The following MYO10 variants were observed in gnomAD, a reference collection of about 807,000 sequenced individuals.
The protein encoded by MYO10 is myosin X.
Under a neutral mutation model 257.3 loss-of-function variants are expected in MYO10, and 133 were observed. That is an observed-to-expected ratio of 0.52 (90% CI 0.45 to 0.60). The LOEUF is 0.60. MYO10 is among the 20% of genes least tolerant of loss of function. The pLI, the probability that MYO10 is intolerant of heterozygous loss-of-function variation, is 0.00. For synonymous variants in MYO10, 1,104 were observed against 1,028.6 expected (o/e 1.07, Z -1.40); for missense variants, 2,399 against 2,635.7 (o/e 0.91, Z 1.97).
At chr5:16,810,697 C>T (rs1008162885) in intron 3 of MYO10, among the ~76,000 whole-genome samples, 1 of 151,960 alleles carries the variant, frequency 6.6e-6, no homozygotes, top group Non-Finnish European at 1.5e-5. Flanking sequence ...TAGAGGCTGA[C>T]CTGGGAGGTC....
chr5:16,826,408 C>G (rs1743001270), intron 2 of MYO10, among the ~76,000 whole-genome samples: 1 of 152,198 alleles, frequency 6.6e-6, no homozygotes, highest in Non-Finnish European at 1.5e-5. Context: ...GTCACAGTGA[C>G]TGGCATACAA....
At chr5:16,896,735 C>A (rs1013026534) in intron 1 of MYO10, among the ~76,000 whole-genome samples, 1 of 152,174 alleles carries the variant, frequency 6.6e-6, no homozygotes, top group African/African-American at 2.4e-5. Flanking sequence ...GCAGCCCCCC[C>A]AGGATTCTGG....
intron 2 of MYO10, among the ~76,000 whole-genome samples, chr5:16,847,550 T>A (rs528112665): frequency 1.3e-5 from 2 of 152,072 alleles, no homozygotes; most frequent in African/African-American, 4.8e-5. Context: ...CTAGGCAACA[T>A]GGCAAAACCT....
chr5:16,765,090 C>A (rs575443731), intron 11 of MYO10, among the ~76,000 whole-genome samples: 1 of 152,146 alleles, frequency 6.6e-6, no homozygotes, highest in Non-Finnish European at 1.5e-5. Flanking sequence ...ATATGGTCAG[C>A]ATTTTCATTT....
chr5:16,838,505 C>T (rs991066179), intron 2 of MYO10, among the ~76,000 whole-genome samples: 4 of 152,138 alleles, frequency 2.6e-5, no homozygotes, highest in Admixed American at 1.3e-4. Context: ...GGAGCCAGCA[C>T]AGATTCGTTG....
In MYO10 at chr5:16,923,694, A is replaced by T. The variant is rs1746054372; in HGVS notation, c.21+12094T>A. ...CACACACACACACACACACACACAC[A>T]CTCCCTAACATCCTGGCCACCTAAC... On this transcript the variant is annotated intron_variant, in intron 1 of 40. Transcript: ENST00000513610. Among the ~76,000 whole-genome samples, 3 of 149,322 alleles carry T rather than the reference A, an allele frequency of 2.0e-5. No individual in the cohort carries two copies. The South Asian group carries it at 6.4e-4, about 32-fold the overall frequency.
chr5:16,757,194 G>C (rs925364697), intron 18 of MYO10, among the ~76,000 whole-genome samples: 15 of 151,028 alleles, frequency 9.9e-5, no homozygotes, highest in East Asian at 5.8e-4. Flanking sequence ...GGAGGCTGAG[G>C]GGGGAGAATC....
At chr5:16,823,468 A>ATTTTTTTTTTTTTTTTT (rs1173952251) in intron 2 of MYO10, among the ~76,000 whole-genome samples, 2 of 6,448 alleles carry the variant, frequency 3.1e-4, no homozygotes, top group African/African-American at 4.7e-4. Flanking sequence ...GGGAGTGGGG[A>ATTTTTTTTTTTTTTTTT]TTTTTTTTTT....
chr5:16,904,173 C>A (rs937991686), intron 1 of MYO10, among the ~76,000 whole-genome samples: 1 of 152,200 alleles, frequency 6.6e-6, no homozygotes, highest in South Asian at 2.1e-4. Flanking sequence ...ACAGAGCTTC[C>A]GGACAGCTGG....
intron 30 of MYO10, among the ~76,000 whole-genome samples, chr5:16,682,975 T>A (rs989515944): frequency 6.6e-6 from 1 of 152,008 alleles, no homozygotes; most frequent in African/African-American, 2.4e-5. Flanking sequence ...GAAACTCACA[T>A]ACCAGAATAA....
intron 27 of MYO10, among the ~76,000 whole-genome samples, 186 bp downstream of exon 27, chr5:16,694,185 A>G (rs1737628628): frequency 6.6e-6 from 1 of 152,212 alleles, no homozygotes; most frequent in South Asian, 2.1e-4. Context: ...GTAATCACAA[A>G]AAGCAAAGTA....
intron 3 of MYO10, among the ~76,000 whole-genome samples, chr5:16,808,687 T>G (rs1742345315): frequency 6.6e-6 from 1 of 152,136 alleles, no homozygotes; most frequent in African/African-American, 2.4e-5. Flanking sequence ...ATTATTATTA[T>G]TTTTGAGACA....
chr5:16,745,285 T>A, intron 19 of MYO10, among the ~76,000 whole-genome samples: 1 of 151,972 alleles, frequency 6.6e-6, no homozygotes, highest in African/African-American at 2.4e-5. Flanking sequence ...GAGGTTGCAG[T>A]GAGCCAAGAT....
intron 15 of MYO10, 30 bp from the exon 16 acceptor site, chr5:16,762,143 A>AAAATATATATAT (rs370443366): frequency 1.8e-6 from 2 of 1,092,332 alleles, no homozygotes; most frequent in African/African-American, 3.2e-5. Context: ...AAAAAAAAAA[A>AAAATATATATAT]ATACAATGCC....
intron 2 of MYO10, among the ~76,000 whole-genome samples, chr5:16,828,716 C>T (rs1168596641): frequency 6.6e-6 from 1 of 151,186 alleles, no homozygotes; most frequent in Non-Finnish European, 1.5e-5. Flanking sequence ...GCATCACTTT[C>T]CTGGTACACT....
At chr5:16,823,283 A>G (rs1214275549) in intron 2 of MYO10, among the ~76,000 whole-genome samples, 2 of 148,962 alleles carry the variant, frequency 1.3e-5, no homozygotes, top group African/African-American at 2.5e-5. Context: ...CGTCACTACT[A>G]AAAACACAAA....
In MYO10 at chr5:16,781,794, A is replaced by G; in HGVS notation, c.638T>C (p.Val213Ala). The G allele has an allele frequency of 6.2e-7, 1 of 1,614,018 alleles. No homozygotes were observed. The highest frequency in any genetic ancestry group is 8.5e-7 in the Non-Finnish European group (1 of 1,179,884). ...AAAGCGACTAGAGTTGTTGTTGTAC[A>G]CGGTCTTCGCATTGCCGAAAGCTTC... The part of the protein sequence containing the change: ...IMEAFGNAKT[V>A]YNNNSSRFGK... Residue 213 changes from valine to alanine, a missense_variant, in exon 6 of 41, where the codon GTG (valine) becomes GCG (alanine). By Grantham distance (64) the Val-to-Ala change is moderately conservative. Around this residue, in one of 3 missense-constraint regions of MYO10, gnomAD observed 337 missense variants for 446.8 expected, o/e 0.75. Transcript: ENST00000513610.
chr5:16,899,750 C>T (rs1745324125), intron 1 of MYO10, among the ~76,000 whole-genome samples: 1 of 152,048 alleles, frequency 6.6e-6, no homozygotes, highest in East Asian at 1.9e-4. Flanking sequence ...GTAATCCCAG[C>T]ACTCTGGGAG....
chr5:16,856,591 T>A (rs76923137), intron 2 of MYO10, among the ~76,000 whole-genome samples: 1,839 of 151,928 alleles, frequency 0.012, 33 homozygotes, highest in Middle Eastern at 0.034. Context: ...CTTGGAGTAT[T>A]TTAAAGGTAT....
Sources: allele counts gnomAD v4.1 joint callset (sites outside exome capture counted in the v4.1 genomes callset), GRCh38; gene constraint gnomAD v4.1.1; regional missense constraint gnomAD v4.1.1; transcripts MANE v1.5; gene names NCBI Gene and HGNC (gene_info 2026-07-23, HGNC 2026-07-21).